The following PDE7B variants were observed in gnomAD, a reference collection of about 807,000 sequenced individuals.
PDE7B encodes 3',5'-cyclic-AMP phosphodiesterase 7B.
Under a neutral mutation model 56.2 loss-of-function variants are expected in PDE7B, and 29 were observed. The ratio of observed to expected loss-of-function variants is 0.52; its 90% CI spans 0.38 to 0.70. The LOEUF is 0.70. Ranked by LOEUF, PDE7B falls within the 30% of genes least tolerant of loss-of-function variation. PDE7B has a pLI of 0.00. For missense variants in PDE7B, 490 were observed against 565.0 expected, an observed-to-expected ratio of 0.87 and a Z score of 1.35; for synonymous variants, 197 against 196.9, an observed-to-expected ratio of 1.00 and a Z score of 0.00.
At chr6:135,986,121 C>G (rs777998306) in intron 2 of PDE7B, among the ~76,000 whole-genome samples, 3 of 152,320 alleles carry the variant, frequency 2.0e-5, no homozygotes, top group Admixed American at 2.0e-4. Context: ...AGAACTATCA[C>G]ATTACTGAAT....
intron 2 of PDE7B, among the ~76,000 whole-genome samples, chr6:136,001,413 T>C (rs1027689732): frequency 2.0e-5 from 3 of 152,090 alleles, no homozygotes; most frequent in Non-Finnish European, 4.4e-5. Flanking sequence ...GGCTACAGGA[T>C]GAAATTCAAA....
intron 2 of PDE7B, among the ~76,000 whole-genome samples, chr6:136,068,598 T>A (rs188278637): frequency 4.3e-4 from 65 of 151,988 alleles, no homozygotes; most frequent in African/African-American, 1.3e-3. Context: ...GCCCGGCTAA[T>A]TTTTTTGTGT....
chr6:136,186,568 T>C (rs1321165862), intron 11 of PDE7B, among the ~76,000 whole-genome samples: 1 of 152,234 alleles, frequency 6.6e-6, no homozygotes, highest in Non-Finnish European at 1.5e-5. Context: ...AGATGAGATC[T>C]TTCTAGTCCT....
intron 3 of PDE7B, among the ~76,000 whole-genome samples, chr6:136,132,748 T>A (rs182455402): frequency 4.6e-5 from 7 of 152,324 alleles, no homozygotes; most frequent in Admixed American, 3.9e-4. Context: ...CATTCAGACA[T>A]GCAGGTGGAC....
At chr6:136,159,874 T>C (rs532565001) in intron 8 of PDE7B, among the ~76,000 whole-genome samples, 6 of 152,340 alleles carry the variant, frequency 3.9e-5, no homozygotes, top group South Asian at 2.1e-4. Flanking sequence ...CCTTGTATGA[T>C]AGCAACTCTG....
At chr6:136,159,444 T>C (rs1778667297) in intron 8 of PDE7B, among the ~76,000 whole-genome samples, 1 of 152,192 alleles carries the variant, frequency 6.6e-6, no homozygotes, top group African/African-American at 2.4e-5. Context: ...CTCCCTTCTC[T>C]CAGCTATCTT....
chr6:135,866,467 C>A (rs901518920), intron 1 of PDE7B, among the ~76,000 whole-genome samples: 6 of 152,178 alleles, frequency 3.9e-5, no homozygotes, highest in African/African-American at 1.4e-4. Flanking sequence ...TTGTTACTTG[C>A]CAGTAGTACT....
intron 9 of PDE7B, among the ~76,000 whole-genome samples, chr6:136,175,839 A>G (rs1778968256): frequency 6.6e-6 from 1 of 152,090 alleles, no homozygotes; most frequent in Non-Finnish European, 1.5e-5. Flanking sequence ...AGTTTCTTGT[A>G]TATTATCCAG....
chr6:136,038,214 ACAGCAGCAGCAGCAACAG>A (rs1776359302), intron 2 of PDE7B: 11 of 1,299,122 alleles, frequency 8.5e-6, no homozygotes, highest in Middle Eastern at 2.1e-4. Flanking sequence ...AGAAGCAGAA[ACAGCAGCAGCAGCAACAG>A]CAGCAGCAGC....
At chr6:136,087,413 T>C (rs941038933) in intron 2 of PDE7B, among the ~76,000 whole-genome samples, 1 of 151,980 alleles carries the variant, frequency 6.6e-6, no homozygotes, top group African/African-American at 2.4e-5. Flanking sequence ...AAGAAACTTT[T>C]TTACTTCCAA....
At chr6:135,988,134 C>T (rs1775414877) in intron 2 of PDE7B, among the ~76,000 whole-genome samples, 1 of 151,982 alleles carries the variant, frequency 6.6e-6, no homozygotes, top group South Asian at 2.1e-4. Context: ...TATCATAGAA[C>T]TAATTGAAGT....
intron 2 of PDE7B, among the ~76,000 whole-genome samples, chr6:136,054,880 C>G (rs1562481412): frequency 6.6e-6 from 1 of 151,998 alleles, no homozygotes; most frequent in Non-Finnish European, 1.5e-5. Context: ...GGGGAACTAC[C>G]CTTTATAAAA....
intron 1 of PDE7B, among the ~76,000 whole-genome samples, chr6:135,945,822 A>C (rs1774587398): frequency 6.6e-6 from 1 of 152,190 alleles, no homozygotes; most frequent in Non-Finnish European, 1.5e-5. Flanking sequence ...TCTGCTACCA[A>C]ATGGCCTCTC....
At chr6:135,857,640 A>G (rs1322948248) in intron 1 of PDE7B, among the ~76,000 whole-genome samples, 1 of 152,214 alleles carries the variant, frequency 6.6e-6, no homozygotes, top group Non-Finnish European at 1.5e-5. Flanking sequence ...CTAAGAACAT[A>G]TAGAATTGTT....
intron 3 of PDE7B, among the ~76,000 whole-genome samples, chr6:136,122,153 G>A (rs1777946927): frequency 6.6e-6 from 1 of 151,922 alleles, no homozygotes; most frequent in East Asian, 1.9e-4. Context: ...CCACCACCAC[G>A]CCCGGCTAAT....
chr6:135,956,058 T>A (rs535701544), intron 2 of PDE7B, among the ~76,000 whole-genome samples: 3 of 151,896 alleles, frequency 2.0e-5, no homozygotes, highest in South Asian at 4.2e-4. Flanking sequence ...TGAGATGAGG[T>A]TGTGCTTTGG....
Position 136,004,537 on chromosome 6 carries a change from C to G in PDE7B, c.82+57013C>G, listed in dbSNP as rs375293283. ...ATACAAAATCAATGTACAAAAATCA[C>G]AAGCATTCTTATACACCAATAACAG... On this transcript the variant is annotated intron_variant, in intron 2 of 12. Transcript: ENST00000308191. Among the ~76,000 whole-genome samples, 39 of 152,108 alleles carry G rather than the reference C, an allele frequency of 2.6e-4. No homozygotes were observed. The East Asian group carries it at 7.2e-3, about 28-fold the overall frequency.
intron 3 of PDE7B, among the ~76,000 whole-genome samples, chr6:136,133,931 C>G (rs1246939731): frequency 6.6e-6 from 1 of 152,064 alleles, no homozygotes; most frequent in Admixed American, 6.6e-5. Flanking sequence ...ACAGCAAAAG[C>G]AGAGATCTGT....
rs111913330 is a variant in PDE7B, at chr6:135,897,186, G to A, written c.21+45167G>A. ...TCTCCAAAACCAGGCACAATGCTTG[G>A]CATAAGCACAAACTCTGAGGGTGCT... is the stretch of plus-strand genomic sequence containing the variant. On this transcript the variant is annotated intron_variant, in intron 1 of 12. Transcript: ENST00000308191. 2.7e-3 allele frequency among the ~76,000 whole-genome samples: 404 copies of A among 152,142 alleles called. 2 individuals are homozygous for A. The highest frequency in any genetic ancestry group is 9.2e-3 in the African/African-American group (380 of 41,500).
Sources: allele counts gnomAD v4.1 joint callset (sites outside exome capture counted in the v4.1 genomes callset), GRCh38; gene constraint gnomAD v4.1.1; transcripts MANE v1.5; gene names NCBI Gene and HGNC (gene_info 2026-07-23, HGNC 2026-07-21).